Variants in LRPPRC observed in about 807,000 individuals in gnomAD.
LRPPRC encodes the protein leucine-rich PPR motif-containing protein, mitochondrial.
LRPPRC carries 120 observed loss-of-function variants against 180.3 expected under a neutral mutation model. The observed-to-expected ratio is 0.67, with a 90% CI of 0.57 to 0.77. The LOEUF (loss-of-function observed/expected upper bound fraction) is 0.77. Among genes scored for constraint, LRPPRC ranks in the 30% least tolerant of loss-of-function variants. The pLI, the probability that LRPPRC is intolerant of heterozygous loss-of-function variation, is 0.00. For synonymous variants in LRPPRC, 723 were observed against 600.0 expected, an observed-to-expected ratio of 1.21 and a Z score of -3.00; for missense variants, 2,012 against 1,657.2, an observed-to-expected ratio of 1.21 and a Z score of -3.72.
intron 23 of LRPPRC, among the ~76,000 whole-genome samples, chr2:43,942,965 T>C (rs1025569465): frequency 5.9e-5 from 9 of 152,016 alleles, no homozygotes; most frequent in African/African-American, 2.2e-4. Flanking sequence ...AGTCTCCATG[T>C]AATGCAGATT....
intron 35 of LRPPRC, 143 bp downstream of exon 35, chr2:43,896,491 T>TCTA: frequency 1.5e-6 from 1 of 645,912 alleles, no homozygotes; most frequent in Non-Finnish European, 2.8e-6. Context: ...CAAAACTGAC[T>TCTA]CTAAGTAGAG....
intron 30 of LRPPRC, among the ~76,000 whole-genome samples, chr2:43,912,004 G>T (rs1671280126): frequency 6.6e-6 from 1 of 152,112 alleles, no homozygotes; most frequent in African/African-American, 2.4e-5. Flanking sequence ...AAGGATCAGA[G>T]ATAGCAGGTA....
intron 1 of LRPPRC, among the ~76,000 whole-genome samples, chr2:43,989,007 T>G (rs1433830628): frequency 6.6e-6 from 1 of 152,156 alleles, no homozygotes; most frequent in African/African-American, 2.4e-5. Context: ...CCCAAGTAGC[T>G]AGGACTACAG....
chr2:43,984,075 C>T (rs1035252001), intron 1 of LRPPRC, among the ~76,000 whole-genome samples: 3 of 152,004 alleles, frequency 2.0e-5, no homozygotes, highest in Non-Finnish European at 4.4e-5. Context: ...AAGATATACC[C>T]TTAAAATAAT....
intron 14 of LRPPRC, among the ~76,000 whole-genome samples, chr2:43,953,052 T>G (rs1283590170): frequency 1.3e-5 from 2 of 152,208 alleles, no homozygotes; most frequent in South Asian, 4.1e-4. Context: ...CTACTTACAC[T>G]TCCCCAGAAC....
chr2:43,951,498 T>C lies in LRPPRC; in HGVS notation c.1650-898A>G, dbSNP rs1320595605. ...CGGACCCATCTGGGCATTTGATGAA[T>C]TCTGATTATCAACTAGGATTAATTT... On this transcript the variant is annotated intron_variant, in intron 14 of 37. Transcript: ENST00000260665. Among the ~76,000 whole-genome samples the C allele has an allele frequency of 3.3e-5, 5 of 152,216 alleles. No individual in the cohort carries two copies. In the East Asian group the frequency reaches 9.6e-4, roughly 29 times the overall value.
intron 1 of LRPPRC, among the ~76,000 whole-genome samples, chr2:43,994,162 C>T (rs1165652286): frequency 6.6e-6 from 1 of 152,156 alleles, no homozygotes; most frequent in Non-Finnish European, 1.5e-5. Context: ...TCAAAAGAAA[C>T]TCTGAAAGCC....
intron 36 of LRPPRC, among the ~76,000 whole-genome samples, chr2:43,893,500 G>C (rs1407631070): frequency 6.6e-6 from 1 of 152,174 alleles, no homozygotes; most frequent in African/African-American, 2.4e-5. Flanking sequence ...CTACCAGCAA[G>C]ATTATGACTC....
rs147441475 is a variant in LRPPRC, at chr2:43,991,963, C to G, written c.149+3836G>C. ...GTCTTAAGATTTTCATTGATTCACT[C>G]AACAAACATTTGACACCTACTATAT... On this transcript the variant is annotated intron_variant, in intron 1 of 37. Transcript: ENST00000260665. Among the ~76,000 whole-genome samples, 505 of 152,316 alleles carry G rather than the reference C, an allele frequency of 3.3e-3. 1 individual carries two copies. Among genetic ancestry groups the G allele is most frequent in the Admixed American group, 8.2e-3 (126 of 15,298 alleles).
chr2:43,943,787 T>C lies in LRPPRC; in HGVS notation c.2404A>G (p.Ile802Val). Residue 802 changes from isoleucine to valine, a missense_variant, in exon 23 of 38, where the codon ATT becomes GTT. Coordinates refer to ENST00000260665, the MANE Select transcript of LRPPRC (RefSeq NM_133259.4). ...TCATGCAACTGTTTTACTGTTTCAA[T>C]TTCACCTCTTAAAGCTGCGCCATTT... The part of the protein sequence containing the change: ...MLNGAALRGE[I>V]ETVKQLHEAI... 6.2e-7 allele frequency: 1 copy of C among 1,613,532 alleles called. No individual in the cohort carries two copies. Among genetic ancestry groups the C allele is most frequent in the South Asian group, 1.1e-5 (1 of 91,068 alleles).
upstream of LRPPRC, chr2:43,996,044 G>C: frequency 5.4e-6 from 7 of 1,302,336 alleles, no homozygotes; most frequent in Non-Finnish European, 6.3e-6. Context: ...ACCAACTGCC[G>C]GGCGTGCCAA....
chr2:43,897,317 T>G (rs993775016), intron 34 of LRPPRC, among the ~76,000 whole-genome samples: 11 of 152,058 alleles, frequency 7.2e-5, no homozygotes, highest in Admixed American at 7.2e-4. Context: ...ATAAATCAAA[T>G]GTCTATCCAA....
intron 29 of LRPPRC, among the ~76,000 whole-genome samples, chr2:43,914,155 T>C (rs1347973667): frequency 6.6e-6 from 1 of 152,178 alleles, no homozygotes; most frequent in Non-Finnish European, 1.5e-5. Flanking sequence ...GTATATAGTA[T>C]TTCACTTGTT....
chr2:43,995,725 G>A, intron 1 of LRPPRC, 74 bp downstream of exon 1: 6 of 1,300,826 alleles, frequency 4.6e-6, no homozygotes, highest in Non-Finnish European at 4.9e-6. Context: ...GCAGGACCCG[G>A]TCCCTGCCGG....
At chr2:43,947,643 G>C (rs1448574549) in intron 19 of LRPPRC, 88 bp downstream of exon 19, 2 of 843,200 alleles carry the variant, frequency 2.4e-6, no homozygotes, top group African/African-American at 1.7e-5. Context: ...AAAATGTGAG[G>C]AATCACTGGT....
chr2:43,961,230 GA>G (rs1393441969), intron 12 of LRPPRC, among the ~76,000 whole-genome samples: 1 of 152,006 alleles, frequency 6.6e-6, no homozygotes, highest in East Asian at 1.9e-4. Flanking sequence ...GGTGTCAAAT[GA>G]AAAAAAGTTC....
At position 43,887,750 on chromosome 2, in the gene LRPPRC, T is replaced by C. The variant is rs1483886983; in HGVS notation, c.*850A>G. The C allele has an allele frequency of 6.6e-6, 1 of 151,650 alleles. No homozygotes were observed. The highest frequency in any genetic ancestry group is 1.9e-4 in the East Asian group (1 of 5,152). The allele number at this position is 151,650 out of a possible 1,614,324, so 9.4% of individuals were successfully genotyped here. On this transcript the variant is annotated 3_prime_UTR_variant, in exon 38 of 38. Coordinates refer to ENST00000260665, the MANE Select transcript of LRPPRC (RefSeq NM_133259.4). ...ATATTAACAGGCATGAGATTCAATA[T>C]AGGGATCACTTTTATTTCAAACAAT...
Position 43,995,984 on chromosome 2 carries a change from CAGA to C in LRPPRC, c.-40_-38del, listed in dbSNP as rs1330786411. 25 of 1,522,906 alleles carry C rather than the reference CAGA, an allele frequency of 1.6e-5. No individual in the cohort carries two copies. Among genetic ancestry groups the C allele is most frequent in the Middle Eastern group, 2.1e-4 (1 of 4,854 alleles). 94.3% of individuals were successfully genotyped at this position (1,522,906 alleles called of 1,614,324 possible). On this transcript the variant is annotated 5_prime_UTR_variant, in exon 1 of 38. Transcript: ENST00000260665. ...CCCCGCAGCGGGAAGCACGCTCCGC[CAGA>C]AGGACAGGAGGAGCATGTGACCGCA...
At chr2:43,973,744 G>C (rs1264898244) in intron 10 of LRPPRC, 30 bp from the exon 11 acceptor site, 3 of 1,601,074 alleles carry the variant, frequency 1.9e-6, no homozygotes, top group Admixed American at 1.7e-5. Flanking sequence ...AGATCACAAA[G>C]CTACCTCAGC....
Sources: gnomAD v4.1 joint callset for allele counts (sites outside exome capture counted in the v4.1 genomes callset) on GRCh38, gnomAD v4.1.1 for gene constraint, MANE v1.5 for transcripts, NCBI Gene and HGNC (gene_info 2026-07-23, HGNC 2026-07-21) for gene names.